The following MCC variants were observed in gnomAD, a reference collection of about 807,000 sequenced individuals.
MCC encodes the protein MCC regulator of Wnt signaling pathway, also known as colorectal mutant cancer protein.
MCC carries 90 observed loss-of-function variants against 116.2 expected under a neutral mutation model. The ratio of observed to expected loss-of-function variants is 0.77; its 90% confidence interval spans 0.65 to 0.92. The LOEUF is 0.92. Among genes scored for constraint, MCC ranks in the 40% least tolerant of loss-of-function variants. The pLI is 0.00. For missense variants in MCC, 1,516 were observed against 1,312.2 expected, an observed-to-expected ratio of 1.16 and a Z score of -2.40; for synonymous variants, 578 against 510.5, an observed-to-expected ratio of 1.13 and a Z score of -1.78.
rs984458599 is a variant in MCC at position 113,083,096 on chromosome 5, C to A, written c.1636-88G>T. 2.3e-6 allele frequency: 3 copies of A among 1,309,912 alleles called. No homozygotes were observed. The African/African-American group carries it at 4.4e-5, about 19-fold the overall frequency. 81.1% of individuals were successfully genotyped at this position (1,309,912 alleles called of 1,614,324 possible). A position where few individuals can be genotyped will look rare whatever the true frequency, so the allele number is the denominator to read the frequency against. Reference sequence around the variant, plus strand: ...GCAAAAGAATTTAAAGCTGATATTCCGTGAGAATCGGGGACTGGGAGGATG... The same window carrying A: ...GCAAAAGAATTTAAAGCTGATATTCAGTGAGAATCGGGGACTGGGAGGATG... On this transcript the variant is annotated intron_variant, in intron 10 of 18. Coordinates refer to ENST00000408903, the MANE Select transcript of MCC (RefSeq NM_001085377.2).
rs568918837 is a variant in MCC at position 113,080,130 on chromosome 5, A to G, written c.1784+2730T>C. ...ACCATCTCACACCAGTTAGAATGGC[A>G]ATCATTAAAAAGTCAGGAAACAACA... On this transcript the variant is annotated intron_variant, in intron 11 of 18. Transcript: ENST00000408903. Among the ~76,000 whole-genome samples, 572 of 152,328 alleles carry G rather than the reference A, an allele frequency of 3.8e-3. 3 individuals are homozygous for G. Among genetic ancestry groups the G allele is most frequent in the African/African-American group, 0.012 (504 of 41,568 alleles).
At chr5:113,321,089 A>G (rs1004657014) in intron 3 of MCC, among the ~76,000 whole-genome samples, 1 of 152,242 alleles carries the variant, frequency 6.6e-6, no homozygotes, top group African/African-American at 2.4e-5. Context: ...TTAGTGAAAT[A>G]TCCTCAGAGC....
chr5:113,215,440 T>C (rs1470105347), intron 3 of MCC, among the ~76,000 whole-genome samples: 5 of 152,172 alleles, frequency 3.3e-5, no homozygotes, highest in African/African-American at 9.7e-5. Flanking sequence ...AATTGAGGTA[T>C]TGAAACTCAG....
At chr5:113,186,100 C>A (rs1353050149) in intron 3 of MCC, among the ~76,000 whole-genome samples, 1 of 152,122 alleles carries the variant, frequency 6.6e-6, no homozygotes, top group Non-Finnish European at 1.5e-5. Context: ...GCTGAGGCAG[C>A]ATAGAGGTCC....
chr5:113,097,891 C>T (rs528643011), intron 8 of MCC, among the ~76,000 whole-genome samples: 2 of 152,254 alleles, frequency 1.3e-5, no homozygotes, highest in Non-Finnish European at 2.9e-5. Context: ...GGCAATGAAA[C>T]CAGAAGCCAG....
chr5:113,089,211 G>A (rs997546053), intron 8 of MCC, among the ~76,000 whole-genome samples: 1 of 152,170 alleles, frequency 6.6e-6, no homozygotes, highest in Non-Finnish European at 1.5e-5. Flanking sequence ...TCAACAAGGA[G>A]TGTCAAAGTG....
chr5:113,284,109 G>A (rs1766156450), intron 3 of MCC, among the ~76,000 whole-genome samples: 1 of 152,214 alleles, frequency 6.6e-6, no homozygotes, highest in African/African-American at 2.4e-5. Flanking sequence ...CTGGTCAACA[G>A]TAGGCTATCA....
intron 1 of MCC, among the ~76,000 whole-genome samples, chr5:113,487,921 C>T (rs1246276143): frequency 2.0e-5 from 3 of 152,190 alleles, no homozygotes; most frequent in Non-Finnish European, 4.4e-5. Flanking sequence ...CTACCTGGGA[C>T]AAGCGGCCAG....
rs543091959 is a variant in MCC at position 113,468,418 on chromosome 5, T to C, written c.170+19827A>G. ...GGTTGTTGAACTTTGTCAAAGGCCT[T>C]TTCTGCATCTATTGAGATAAGCATG... On this transcript the variant is annotated intron_variant, in intron 1 of 18. Transcript: ENST00000408903. Among the ~76,000 whole-genome samples, 112 of 152,366 alleles carry C rather than the reference T, an allele frequency of 7.4e-4. 1 individual carries two copies. Among genetic ancestry groups the C allele is most frequent in the African/African-American group, 2.6e-3 (109 of 41,576 alleles).
At chr5:113,045,939 C>G (rs920293070) in intron 16 of MCC, among the ~76,000 whole-genome samples, 3 of 152,180 alleles carry the variant, frequency 2.0e-5, no homozygotes, top group African/African-American at 4.8e-5. Flanking sequence ...GACCCACAAG[C>G]TCTACAACAT....
At chr5:113,137,918 C>A (rs1488598878) in intron 5 of MCC, among the ~76,000 whole-genome samples, 1 of 148,518 alleles carries the variant, frequency 6.7e-6, no homozygotes, top group Non-Finnish European at 1.5e-5. Context: ...TACCACCTGA[C>A]TTTCAGCAAC....
chr5:113,420,041 T>G (rs2150406737), intron 1 of MCC, among the ~76,000 whole-genome samples: 1 of 148,518 alleles, frequency 6.7e-6, no homozygotes, highest in African/African-American at 2.5e-5. Flanking sequence ...AAAATAAAAA[T>G]AAAAATAAAA....
In MCC at chr5:113,024,464, T is replaced by A. The variant is rs561852430; in HGVS notation, c.*2838A>T. On this transcript the variant is annotated 3_prime_UTR_variant, in exon 19 of 19. Transcript: ENST00000408903. ...CTCAGTCCAACAATGGGAAATATAT[T>A]CCAAGGGAACTGTGAAATGGGTCCT... 1.3e-5 allele frequency: 2 copies of A among 152,316 alleles called. No homozygotes were observed. Among genetic ancestry groups the A allele is most frequent in the South Asian group, 4.1e-4 (2 of 4,832 alleles). 9.4% of individuals were successfully genotyped at this position (152,316 alleles called of 1,614,324 possible). A position where few individuals can be genotyped will look rare whatever the true frequency, so the allele number is the denominator to read the frequency against.
At chr5:113,299,028 C>A (rs1447758697) in intron 3 of MCC, among the ~76,000 whole-genome samples, 1 of 151,896 alleles carries the variant, frequency 6.6e-6, no homozygotes, top group Non-Finnish European at 1.5e-5. Context: ...GTGGCTCACA[C>A]CTGTAATCCC....
At chr5:113,294,181 G>C (rs1303643291) in intron 3 of MCC, 1 of 992,430 alleles carries the variant, frequency 1.0e-6, no homozygotes, top group Non-Finnish European at 1.5e-6. Flanking sequence ...ACAAGATCCA[G>C]AAAATCTACT....
chr5:113,465,445 ATATT>A (rs1228032654), intron 1 of MCC, among the ~76,000 whole-genome samples: 14 of 152,144 alleles, frequency 9.2e-5, no homozygotes, highest in Non-Finnish European at 1.8e-4. Context: ...AATAATGTCA[ATATT>A]TATCTACTGA....
At chr5:113,403,395 G>A (rs1769746532) in intron 1 of MCC, among the ~76,000 whole-genome samples, 1 of 152,148 alleles carries the variant, frequency 6.6e-6, no homozygotes, top group Non-Finnish European at 1.5e-5. Context: ...CTAAGTTAAA[G>A]TTAAATCCCA....
chr5:113,093,481 C>G (rs1755788478), intron 8 of MCC, among the ~76,000 whole-genome samples: 1 of 151,962 alleles, frequency 6.6e-6, no homozygotes, highest in Non-Finnish European at 1.5e-5. Flanking sequence ...CTCTCTCTCT[C>G]TCTCTCTCTC....
chr5:113,403,260 C>T (rs1028869570), intron 1 of MCC, among the ~76,000 whole-genome samples: 16 of 152,226 alleles, frequency 1.1e-4, no homozygotes, highest in African/African-American at 3.9e-4. Context: ...TTTACTTTGA[C>T]GTACCATTCT....
Sources: allele counts gnomAD v4.1 joint callset (sites outside exome capture counted in the v4.1 genomes callset), GRCh38; gene constraint gnomAD v4.1.1; transcripts MANE v1.5; gene names NCBI Gene and HGNC (gene_info 2026-07-23, HGNC 2026-07-21).